The following PCDH15 variants were observed in gnomAD, a reference collection of about 807,000 sequenced individuals.
PCDH15 encodes the protein protocadherin-15.
A neutral mutation model predicts 178.5 loss-of-function variants in PCDH15; 129 were observed. That is an observed-to-expected ratio of 0.72 (90% CI 0.63 to 0.84). The LOEUF is 0.84. Among genes scored for constraint, PCDH15 ranks in the 40% least tolerant of loss-of-function variants. The pLI is 0.00. For synonymous variants in PCDH15, 800 were observed against 732.0 expected (o/e 1.09, Z -1.50); for missense variants, 2,230 against 2,099.9 (o/e 1.06, Z -1.21).
intron 20 of PCDH15, among the ~76,000 whole-genome samples, chr10:54,014,544 A>G (rs1051849532): frequency 6.6e-6 from 1 of 152,128 alleles, no homozygotes; most frequent in Non-Finnish European, 1.5e-5. Context: ...CCAGCAGCAC[A>G]TTGAAAAGCT....
At chr10:55,263,697 T>C (rs2132237900) in intron 1 of PCDH15, among the ~76,000 whole-genome samples, 1 of 152,256 alleles carries the variant, frequency 6.6e-6, no homozygotes, top group Admixed American at 6.5e-5. Context: ...GATCTCCCCC[T>C]TTTGCTCTTT....
At chr10:54,459,890 G>A (rs975439605) in intron 3 of PCDH15, among the ~76,000 whole-genome samples, 11 of 152,012 alleles carry the variant, frequency 7.2e-5, no homozygotes, top group Admixed American at 7.2e-4. Flanking sequence ...TTTTCCTTAT[G>A]TCAAATCTTG....
chr10:54,415,197 T>A (rs7075607), intron 3 of PCDH15, among the ~76,000 whole-genome samples: 8,374 of 152,130 alleles, frequency 0.055, 771 homozygotes, highest in African/African-American at 0.19. Context: ...ATGTTTGTTT[T>A]TTTCCTATTG....
intron 2 of PCDH15, among the ~76,000 whole-genome samples, chr10:54,962,670 G>A (rs897112164): frequency 1.3e-5 from 2 of 152,200 alleles, no homozygotes; most frequent in African/African-American, 2.4e-5. Flanking sequence ...CCGGCTCCTG[G>A]AGCTGCCTGC....
At chr10:54,709,352 C>T (rs1043757940) in intron 1 of PCDH15, among the ~76,000 whole-genome samples, 14 of 152,020 alleles carry the variant, frequency 9.2e-5, no homozygotes, top group African/African-American at 3.1e-4. Flanking sequence ...AATACACCTA[C>T]TCCATACATT....
intron 2 of PCDH15, among the ~76,000 whole-genome samples, chr10:55,540,243 G>A (rs1841727171): frequency 6.6e-6 from 1 of 151,990 alleles, no homozygotes; most frequent in East Asian, 1.9e-4. Context: ...GCTAAATTTT[G>A]ATGACTATAA....
chr10:55,527,510 A>G (rs1303750819), intron 2 of PCDH15, among the ~76,000 whole-genome samples: 1 of 152,048 alleles, frequency 6.6e-6, no homozygotes, highest in African/African-American at 2.4e-5. Flanking sequence ...AAGGAATTAC[A>G]TCAGTAACTA....
chr10:54,348,736 T>A, intron 5 of PCDH15, among the ~76,000 whole-genome samples: 1 of 152,300 alleles, frequency 6.6e-6, no homozygotes, highest in African/African-American at 2.4e-5. Flanking sequence ...AATAGATAGT[T>A]ATTAACTATA....
chr10:54,586,582 T>C (rs575513262), intron 2 of PCDH15, among the ~76,000 whole-genome samples: 1 of 152,324 alleles, frequency 6.6e-6, no homozygotes, highest in South Asian at 2.1e-4. Context: ...TGATATCACA[T>C]AACTAGCAAA....
intron 35 of PCDH15, among the ~76,000 whole-genome samples, chr10:53,812,940 G>T (rs1462063225): frequency 6.6e-6 from 1 of 152,188 alleles, no homozygotes; most frequent in African/African-American, 2.4e-5. Flanking sequence ...CATTTGCGAA[G>T]TGTGGAAATT....
At chr10:54,653,871 A>G (rs2094318386) in intron 2 of PCDH15, among the ~76,000 whole-genome samples, 1 of 152,240 alleles carries the variant, frequency 6.6e-6, no homozygotes, top group African/African-American at 2.4e-5. Context: ...ATTGGCAAAT[A>G]ATTGTGCACA....
chr10:55,134,144 T>A (rs1838130298), intron 2 of PCDH15, among the ~76,000 whole-genome samples: 1 of 152,178 alleles, frequency 6.6e-6, no homozygotes, highest in East Asian at 1.9e-4. Context: ...TTCTCATCTT[T>A]TCTCCACTGC....
At chr10:54,014,554 T>G (rs2092685572) in intron 20 of PCDH15, among the ~76,000 whole-genome samples, 2 of 152,134 alleles carry the variant, frequency 1.3e-5, no homozygotes. Context: ...ATTGAAAAGC[T>G]AATCCACCAC....
intron 3 of PCDH15, among the ~76,000 whole-genome samples, chr10:54,380,035 T>C (rs1014151311): frequency 6.6e-6 from 1 of 152,114 alleles, no homozygotes; most frequent in East Asian, 1.9e-4. Context: ...GTTGCATAAT[T>C]ACAAGAAAAG....
intron 2 of PCDH15, among the ~76,000 whole-genome samples, chr10:54,989,537 A>T (rs1046691265): frequency 1.4e-4 from 22 of 152,172 alleles, no homozygotes; most frequent in African/African-American, 5.3e-4. Context: ...ATGGAGTCAA[A>T]GGAGGTCATT....
intron 27 of PCDH15, among the ~76,000 whole-genome samples, chr10:53,863,491 T>C (rs2079236114): frequency 6.6e-6 from 1 of 152,048 alleles, no homozygotes; most frequent in Admixed American, 6.6e-5. Flanking sequence ...ACAAGAATAG[T>C]TTGGAAGAGT....
chr10:55,249,821 G>A (rs1042223328), intron 1 of PCDH15, among the ~76,000 whole-genome samples: 1 of 151,608 alleles, frequency 6.6e-6, no homozygotes, highest in Non-Finnish European at 1.5e-5. Context: ...TATGAATAAT[G>A]GTTTTATTAT....
intron 32 of PCDH15, chr10:53,821,798 GTTCAAC>G: frequency 1.2e-6 from 2 of 1,602,032 alleles, no homozygotes; most frequent in Non-Finnish European, 1.7e-6. Flanking sequence ...CAAATTTGAT[GTTCAAC>G]TTGAAGACTA....
At chr10:54,173,207 A>G (rs1321783094) in intron 13 of PCDH15, among the ~76,000 whole-genome samples, 4 of 152,204 alleles carry the variant, frequency 2.6e-5, no homozygotes, top group Admixed American at 2.0e-4. Context: ...GTCATGTATT[A>G]TAAAACCAAA....
Sources: gnomAD v4.1 joint callset for allele counts (sites outside exome capture counted in the v4.1 genomes callset) on GRCh38, gnomAD v4.1.1 for gene constraint, MANE v1.5 for transcripts, NCBI Gene and HGNC (gene_info 2026-07-23, HGNC 2026-07-21) for gene names.